Variants in LEKR1 observed in about 807,000 individuals in gnomAD.
The protein encoded by LEKR1 is protein LEKR1.
In LEKR1, 59 loss-of-function variants were observed where a neutral mutation model predicts 72.4. That is an observed-to-expected ratio of 0.82 (90% CI 0.66 to 1.01). The LOEUF (loss-of-function observed/expected upper bound fraction) is 1.01. Ranked by LOEUF, LEKR1 falls within the 50% of genes least tolerant of loss-of-function variation. LEKR1 has a pLI of 0.00. For synonymous variants in LEKR1, 257 were observed against 263.2 expected (o/e 0.98, Z 0.23); for missense variants, 728 against 759.2 (o/e 0.96, Z 0.48).
At chr3:156,972,250 C>T (rs1238169051) in intron 6 of LEKR1, among the ~76,000 whole-genome samples, 1 of 151,384 alleles carries the variant, frequency 6.6e-6, no homozygotes, top group Non-Finnish European at 1.5e-5. Flanking sequence ...GACAAAAAAC[C>T]AAACACCGCA....
chr3:157,032,601 A>C (rs1734693516), intron 12 of LEKR1, among the ~76,000 whole-genome samples: 1 of 152,234 alleles, frequency 6.6e-6, no homozygotes, highest in Non-Finnish European at 1.5e-5. Context: ...AAAGCTTACA[A>C]AAATGGAAAG....
rs150989195 is a variant in LEKR1, at chr3:156,933,024, C to T, written c.559+5420C>T. Among the ~76,000 whole-genome samples, 1,401 of 151,998 alleles carry T rather than the reference C, an allele frequency of 9.2e-3. 20 individuals are homozygous for T. The highest frequency in any genetic ancestry group is 0.032 in the African/African-American group (1,331 of 41,482). On this transcript the variant is annotated intron_variant, in intron 5 of 12. Transcript: ENST00000356539. Reference sequence around the variant, plus strand: ...CAGCCTGGGAGACAGAGTGAGACTCCGTCTCAAACAAACAAACAAACAAAC... The same window carrying T: ...CAGCCTGGGAGACAGAGTGAGACTCTGTCTCAAACAAACAAACAAACAAAC...
chr3:156,834,365 T>C (rs906688361), intron 2 of LEKR1, among the ~76,000 whole-genome samples: 3 of 152,206 alleles, frequency 2.0e-5, no homozygotes, highest in Admixed American at 6.5e-5. Flanking sequence ...TATAAATCTT[T>C]TACAACTTGC....
intron 3 of LEKR1, among the ~76,000 whole-genome samples, chr3:156,882,872 A>G (rs1719593168): frequency 6.6e-6 from 1 of 151,818 alleles, no homozygotes; most frequent in Admixed American, 6.6e-5. Context: ...TGAAATTGGA[A>G]ATCATCATTC....
chr3:156,998,297 T>A (rs1731739850), intron 9 of LEKR1, among the ~76,000 whole-genome samples: 1 of 152,120 alleles, frequency 6.6e-6, no homozygotes, highest in Admixed American at 6.5e-5. Context: ...AAATATGTCT[T>A]AAATTCTCTA....
chr3:156,875,414 T>C (rs1214466798), intron 3 of LEKR1, among the ~76,000 whole-genome samples: 2 of 152,200 alleles, frequency 1.3e-5, no homozygotes, highest in Non-Finnish European at 2.9e-5. Context: ...TCTTGCAGAT[T>C]CTGGATATTA....
intron 9 of LEKR1, among the ~76,000 whole-genome samples, chr3:157,001,813 C>T (rs1455475644): frequency 4.6e-5 from 7 of 152,070 alleles, no homozygotes; most frequent in African/African-American, 9.7e-5. Context: ...TCTTCTAAAA[C>T]GGAGGGAGTT....
At chr3:156,960,122 T>G (rs1411833534) in intron 6 of LEKR1, among the ~76,000 whole-genome samples, 1 of 152,192 alleles carries the variant, frequency 6.6e-6, no homozygotes, top group African/African-American at 2.4e-5. Flanking sequence ...GGAAGGCCCT[T>G]TGGGCTCTGA....
intron 8 of LEKR1, 149 bp from the exon 9 acceptor site, chr3:156,992,925 T>C (rs1325152735): frequency 2.0e-6 from 1 of 505,730 alleles, no homozygotes; most frequent in Non-Finnish European, 3.4e-6. Flanking sequence ...AATATTAACA[T>C]TATAGAACCA....
At chr3:156,996,555 CT>C (rs1382966331) in intron 9 of LEKR1, among the ~76,000 whole-genome samples, 1 of 152,160 alleles carries the variant, frequency 6.6e-6, no homozygotes, top group Admixed American at 6.5e-5. Flanking sequence ...AAAAATCATT[CT>C]GGATGCTGGA....
chr3:156,902,930 T>A (rs1722175734), intron 3 of LEKR1, among the ~76,000 whole-genome samples: 1 of 152,134 alleles, frequency 6.6e-6, no homozygotes, highest in South Asian at 2.1e-4. Context: ...TTTCTGTTAT[T>A]TTATACCTAC....
intron 4 of LEKR1, chr3:156,921,119 T>A (rs1379462877): frequency 6.6e-6 from 1 of 152,460 alleles, no homozygotes. Context: ...TTAATTCTGC[T>A]TTTATATAAT....
chr3:156,852,662 T>G (rs1715513726), intron 2 of LEKR1, 106 bp from the exon 3 acceptor site: 5 of 583,346 alleles, frequency 8.6e-6, no homozygotes, highest in Non-Finnish European at 1.2e-5. Flanking sequence ...CAAGGCATAG[T>G]ATACTATGTA....
At chr3:156,907,992 T>C (rs143790624) in intron 3 of LEKR1, among the ~76,000 whole-genome samples, 1 of 152,242 alleles carries the variant, frequency 6.6e-6, no homozygotes, top group Non-Finnish European at 1.5e-5. Context: ...ATTTATTTTG[T>C]AGAATATCCC....
At chr3:156,964,675 A>G (rs1272994772) in intron 6 of LEKR1, among the ~76,000 whole-genome samples, 9 of 152,142 alleles carry the variant, frequency 5.9e-5, no homozygotes, top group Non-Finnish European at 1.3e-4. Flanking sequence ...GTGTTCAGAA[A>G]GAAGAGTCAG....
At chr3:156,918,560 A>C (rs1560079038) in intron 3 of LEKR1, among the ~76,000 whole-genome samples, 1 of 152,120 alleles carries the variant, frequency 6.6e-6, no homozygotes, top group Non-Finnish European at 1.5e-5. Context: ...GAGGCCCTAT[A>C]TGATATTAGC....
intron 3 of LEKR1, among the ~76,000 whole-genome samples, chr3:156,903,033 A>G (rs1212010885): frequency 6.6e-6 from 1 of 152,044 alleles, no homozygotes; most frequent in Non-Finnish European, 1.5e-5. Flanking sequence ...TGCTACTGCA[A>G]ATTATTGCAG....
At chr3:157,000,112 C>A (rs886288818) in intron 9 of LEKR1, among the ~76,000 whole-genome samples, 4 of 152,158 alleles carry the variant, frequency 2.6e-5, no homozygotes, top group Non-Finnish European at 4.4e-5. Flanking sequence ...TGTCCCTTCT[C>A]CTCTCCTCTC....
intron 4 of LEKR1, among the ~76,000 whole-genome samples, chr3:156,923,880 G>A (rs780657192): frequency 8.6e-5 from 13 of 151,724 alleles, no homozygotes; most frequent in South Asian, 2.1e-4. Flanking sequence ...GGTGCCCGCC[G>A]CCATGCCTGG....
Sources: gnomAD v4.1 joint callset for allele counts (sites outside exome capture counted in the v4.1 genomes callset) on GRCh38, gnomAD v4.1.1 for gene constraint, MANE v1.5 for transcripts, NCBI Gene and HGNC (gene_info 2026-07-23, HGNC 2026-07-21) for gene names.